The following ZDHHC14 variants were observed in gnomAD, a reference collection of about 807,000 sequenced individuals.
ZDHHC14 encodes the protein zDHHC palmitoyltransferase 14.
Under a neutral mutation model 47.7 loss-of-function variants are expected in ZDHHC14, and 16 were observed. That is an observed-to-expected ratio of 0.34 (90% CI 0.23 to 0.51). The LOEUF is 0.51. ZDHHC14 is among the 20% of genes least tolerant of loss of function. The probability of loss-of-function intolerance (pLI) is 0.97; values close to 1 mark genes in which losing one functional copy is unlikely to be tolerated. For synonymous variants in ZDHHC14, 293 were observed against 278.9 expected, an observed-to-expected ratio of 1.05 and a Z score of -0.50; for missense variants, 515 against 662.5, an observed-to-expected ratio of 0.78 and a Z score of 2.44.
chr6:157,489,923 G>A (rs945903434), intron 1 of ZDHHC14, among the ~76,000 whole-genome samples: 3 of 152,162 alleles, frequency 2.0e-5, no homozygotes, highest in Non-Finnish European at 2.9e-5. Flanking sequence ...GATTAGCTGG[G>A]AAGAGTGGCA....
intron 1 of ZDHHC14, among the ~76,000 whole-genome samples, chr6:157,439,935 C>T (rs1045051950): frequency 6.6e-6 from 1 of 152,012 alleles, no homozygotes; most frequent in Non-Finnish European, 1.5e-5. Context: ...CGCATGTTCT[C>T]ACTTACATAT....
chr6:157,631,696 G>A (rs1356342342), intron 4 of ZDHHC14: 1 of 152,246 alleles, frequency 6.6e-6, no homozygotes, highest in Non-Finnish European at 1.5e-5. Context: ...AGGAAGGAGG[G>A]CTTAGGCCAG....
intron 3 of ZDHHC14, among the ~76,000 whole-genome samples, chr6:157,594,303 A>G (rs896149417): frequency 1.3e-5 from 2 of 152,198 alleles, no homozygotes; most frequent in African/African-American, 4.8e-5. Flanking sequence ...CTTAACATAG[A>G]TAAATTACTT....
At chr6:157,429,752 A>G (rs1778298971) in intron 1 of ZDHHC14, among the ~76,000 whole-genome samples, 2 of 152,210 alleles carry the variant, frequency 1.3e-5, no homozygotes, top group Admixed American at 1.3e-4. Context: ...TCATTCCAGG[A>G]TCTCAGCAGC....
intron 1 of ZDHHC14, among the ~76,000 whole-genome samples, chr6:157,443,408 C>T (rs865836561): frequency 2.0e-5 from 3 of 152,146 alleles, no homozygotes; most frequent in Non-Finnish European, 2.9e-5. Flanking sequence ...ATTGTGGCAG[C>T]ACCCGGGGTG....
intron 1 of ZDHHC14, among the ~76,000 whole-genome samples, chr6:157,432,582 G>C (rs1377038237): frequency 6.6e-6 from 1 of 152,186 alleles, no homozygotes; most frequent in Non-Finnish European, 1.5e-5. Context: ...CTTCCAATAG[G>C]AGGTGGTTTC....
chr6:157,630,894 AC>A (rs1785684065), intron 4 of ZDHHC14: 1 of 115,186 alleles, frequency 8.7e-6, no homozygotes, highest in Non-Finnish European at 1.8e-5. Context: ...ACACATCCTT[AC>A]CCACATTTAC....
chr6:157,638,692 G>A (rs998890786), intron 5 of ZDHHC14, among the ~76,000 whole-genome samples: 6 of 152,374 alleles, frequency 3.9e-5, no homozygotes, highest in South Asian at 2.1e-4. Flanking sequence ...CAAATGCACC[G>A]TCTCGCCCTC....
intron 1 of ZDHHC14, among the ~76,000 whole-genome samples, chr6:157,432,067 C>T (rs1385650219): frequency 2.0e-5 from 3 of 152,170 alleles, no homozygotes; most frequent in Middle Eastern, 3.4e-3. Context: ...TCATTTTTTA[C>T]TCTTGGACCT....
chr6:157,637,316 G>A (rs1218122661), intron 5 of ZDHHC14, among the ~76,000 whole-genome samples: 1 of 152,216 alleles, frequency 6.6e-6, no homozygotes, highest in East Asian at 1.9e-4. Context: ...AGAAGCCCTG[G>A]ATCACAGTGA....
intron 8 of ZDHHC14, among the ~76,000 whole-genome samples, chr6:157,670,634 A>G (rs1012909639): frequency 5.9e-5 from 9 of 151,928 alleles, no homozygotes; most frequent in Admixed American, 5.9e-4. Context: ...CTTTCCTCCA[A>G]ATAACCCTAC....
chr6:157,591,978 C>G (rs1783927170), intron 2 of ZDHHC14, among the ~76,000 whole-genome samples: 1 of 152,080 alleles, frequency 6.6e-6, no homozygotes, highest in Non-Finnish European at 1.5e-5. Context: ...CTCCATCCAC[C>G]CTGCCCTCCT....
chr6:157,578,768 G>T (rs780394404), intron 2 of ZDHHC14, among the ~76,000 whole-genome samples: 1 of 152,204 alleles, frequency 6.6e-6, no homozygotes, highest in Non-Finnish European at 1.5e-5. Flanking sequence ...CTGCTGCCCT[G>T]TGAAGAAGGT....
chr6:157,628,111 A>G (rs1785511160), intron 3 of ZDHHC14, among the ~76,000 whole-genome samples: 1 of 152,232 alleles, frequency 6.6e-6, no homozygotes, highest in Non-Finnish European at 1.5e-5. Flanking sequence ...TTGCCATTTG[A>G]GAAGAATGCA....
intron 1 of ZDHHC14, among the ~76,000 whole-genome samples, chr6:157,435,650 C>T (rs1163544853): frequency 2.0e-5 from 3 of 152,126 alleles, no homozygotes; most frequent in Non-Finnish European, 4.4e-5. Context: ...AGTGATCCTC[C>T]TGCCTCAGTT....
At chr6:157,542,105 T>C (rs1307949696) in intron 1 of ZDHHC14, among the ~76,000 whole-genome samples, 2 of 152,196 alleles carry the variant, frequency 1.3e-5, no homozygotes, top group Admixed American at 6.5e-5. Flanking sequence ...TCCTCAGCGT[T>C]TGGTGCTGGC....
rs570912765 is a variant in ZDHHC14, at chr6:157,471,166, C to T, written c.246-71419C>T. Among the ~76,000 whole-genome samples the T allele has an allele frequency of 3.8e-4, 58 of 152,360 alleles. 1 individual carries two copies. In the South Asian group the frequency reaches 8.9e-3, roughly 23 times the overall value. On this transcript the variant is annotated intron_variant, in intron 1 of 8. Coordinates refer to ENST00000359775, the MANE Select transcript of ZDHHC14 (RefSeq NM_024630.3). Reference sequence around the variant, plus strand: ...CAGAACCTAATTTAAAGCTCAGATACTCGTATCCCCACCCCCAGGACTTTG... The same window carrying T: ...CAGAACCTAATTTAAAGCTCAGATATTCGTATCCCCACCCCCAGGACTTTG...
intron 3 of ZDHHC14, among the ~76,000 whole-genome samples, chr6:157,610,306 C>G (rs899445933): frequency 6.6e-6 from 1 of 152,164 alleles, no homozygotes; most frequent in Non-Finnish European, 1.5e-5. Context: ...GTGGCAGGTG[C>G]CTGTGGTCCC....
At chr6:157,514,391 C>T (rs1780603982) in intron 1 of ZDHHC14, among the ~76,000 whole-genome samples, 1 of 152,208 alleles carries the variant, frequency 6.6e-6, no homozygotes, top group Admixed American at 6.5e-5. Flanking sequence ...ACACAGTCGG[C>T]TGTGCAAAGA....
Sources: gnomAD v4.1 joint callset for allele counts (sites outside exome capture counted in the v4.1 genomes callset) on GRCh38, gnomAD v4.1.1 for gene constraint, MANE v1.5 for transcripts, NCBI Gene and HGNC (gene_info 2026-07-23, HGNC 2026-07-21) for gene names.